FTSJ3: variants seen among roughly 807,000 people sequenced by gnomAD.
FTSJ3 encodes the protein FtsJ RNA 2'-O-methyltransferase 3.
A neutral mutation model predicts 111.5 loss-of-function variants in FTSJ3; 46 were observed. The ratio of observed to expected loss-of-function variants is 0.41; its 90% CI spans 0.33 to 0.53. FTSJ3 has a LOEUF of 0.53. Among genes scored for constraint, FTSJ3 ranks in the 20% least tolerant of loss-of-function variants. FTSJ3 has a pLI of 0.19. For missense variants in FTSJ3, 1,075 were observed against 1,063.8 expected (o/e 1.01, Z -0.15); for synonymous variants, 408 against 383.0 (o/e 1.07, Z -0.76).
rs2040056378 is a variant in FTSJ3 at position 63,821,996 on chromosome 17, C to T, written c.1463G>A (p.Arg488Lys). ...LAGVRGHQGL[R>K]DQKRMRLTEV... is the part of the protein sequence containing the mutation. Reference sequence around the variant, plus strand: ...ACGTGCCCCTTACCGCTTTTGGTCCCTTAGACCCTGATGTCCCCTGACTCC... The same window carrying T: ...ACGTGCCCCTTACCGCTTTTGGTCCTTTAGACCCTGATGTCCCCTGACTCC... The change falls in exon 14 of 21, where the codon AGG becomes AAG. Residue 488 changes from arginine to lysine, a missense_variant. Arg to Lys is a conservative substitution (Grantham distance 26). This residue lies in a region of FTSJ3 where 867 missense variants were observed against 796.9 expected (regional missense o/e 1.09). Coordinates refer to ENST00000427159, the MANE Select transcript of FTSJ3 (RefSeq NM_017647.4). 2 of 1,614,126 alleles carry T rather than the reference C, an allele frequency of 1.2e-6. No individual in the cohort carries two copies. The highest frequency in any genetic ancestry group is 4.5e-5 in the East Asian group (2 of 44,874).
At chr17:63,826,196 C>A in intron 4 of FTSJ3, 61 bp from the exon 5 acceptor site, 1 of 1,609,542 alleles carries the variant, frequency 6.2e-7, no homozygotes, top group Non-Finnish European at 8.5e-7. Flanking sequence ...GAGAGAAATA[C>A]AGGACAAAAT....
At position 63,824,297 on chromosome 17, in the gene FTSJ3, A is replaced by G. The variant is rs894406; in HGVS notation, c.998+34T>C. The G allele has an allele frequency of 0.63, 1,021,670 of 1,613,418 alleles. 327,912 individuals are homozygous for G. Among genetic ancestry groups the G allele is most frequent in the African/African-American group, 0.91 (67,784 of 74,840 alleles). On this transcript the variant is annotated intron_variant, in intron 11 of 20. Coordinates refer to ENST00000427159, the MANE Select transcript of FTSJ3 (RefSeq NM_017647.4). ...TCCCAGACTTTTCCCCTGGACACCC[A>G]GTCCACACCTGCCTCGCTGCGTTCT...
Position 63,825,434 on chromosome 17 carries a change from G to T in FTSJ3, c.403C>A (p.His135Asn). The change falls in exon 7 of 21, where the codon CAT (histidine) becomes AAT (asparagine). Residue 135 changes from histidine to asparagine, a missense_variant and splice_region_variant. Coordinates refer to ENST00000427159, the MANE Select transcript of FTSJ3 (RefSeq NM_017647.4). Reference sequence around the variant, plus strand: ...AAACGTAGAGCCATCAGTGTCAAATGGGCTGTAGGATAGAGACAATTAGTT... The same window carrying T: ...AAACGTAGAGCCATCAGTGTCAAATTGGCTGTAGGATAGAGACAATTAGTT... ...SWVHDAYSQAHLTLMALRLAC... is the reference protein window; with the variant it reads ...SWVHDAYSQANLTLMALRLAC... 7.4e-6 allele frequency: 12 copies of T among 1,614,102 alleles called. No homozygotes were observed. The highest frequency in any genetic ancestry group is 1.0e-5 in the Non-Finnish European group (12 of 1,180,020).
In FTSJ3 at chr17:63,826,578, C is replaced by A; in HGVS notation, c.162G>T (p.Ala54=). 1 of 1,613,448 alleles carries A rather than the reference C, an allele frequency of 6.2e-7. No homozygotes were observed. ...CGAGTGTTACGAACCATCCCCCTGG[C>A]GCAGCACACAGGTCCAGCAAGGCTC... ...KARALLDLCA[A]PGGWLQVAAK... is the part of the protein sequence containing the mutation. The change falls in exon 3 of 21, where the codon GCG becomes GCT. Residue 54 remains alanine, a synonymous_variant. Transcript: ENST00000427159.
At position 63,824,620 on chromosome 17, in the gene FTSJ3, C is replaced by A. The variant is rs1267925862; in HGVS notation, c.917+17G>T. The A allele has an allele frequency of 6.2e-6, 10 of 1,600,356 alleles. No individual in the cohort carries two copies. Among genetic ancestry groups the A allele is most frequent in the Non-Finnish European group, 8.6e-6 (10 of 1,167,684 alleles). ...GCCTCCAGGGCTCCTGGCCCCCGTGCCTACCCCACTCCATACCTGAGCTCC... is the reference window on the plus strand; with the variant it reads ...GCCTCCAGGGCTCCTGGCCCCCGTGACTACCCCACTCCATACCTGAGCTCC... On this transcript the variant is annotated intron_variant, in intron 10 of 20. Coordinates refer to ENST00000427159, the MANE Select transcript of FTSJ3 (RefSeq NM_017647.4).
At position 63,826,063 on chromosome 17, in the gene FTSJ3, C is replaced by T; in HGVS notation, c.293G>A (p.Cys98Tyr). The T allele has an allele frequency of 6.2e-7, 1 of 1,611,554 alleles. No homozygotes were observed. The highest frequency in any genetic ancestry group is 8.5e-7 in the Non-Finnish European group (1 of 1,177,868). The part of the protein sequence containing the change: ...TLQQDITTER[C>Y]RQALRKELKT... ...GAGAGAGACTCCTATTACCTGCCTA[C>T]AACGTTCTGTTGTGATGTCCTGCTG... The change falls in exon 5 of 21, where the codon TGT becomes TAT. Residue 98 changes from cysteine to tyrosine, a missense_variant. Coordinates refer to ENST00000427159, the MANE Select transcript of FTSJ3 (RefSeq NM_017647.4).
Position 63,827,566 on chromosome 17 carries a change from G to T in FTSJ3, c.-541C>A. ...CAGGTTACGGGGCTGGGTGCGGAGC[G>T]AGCGTGATCTGAGTGGAGAGCGGGC... On this transcript the variant is annotated 5_prime_UTR_variant, in exon 1 of 21. Coordinates refer to ENST00000427159, the MANE Select transcript of FTSJ3 (RefSeq NM_017647.4). The T allele has an allele frequency of 6.4e-7, 1 of 1,551,440 alleles. No individual in the cohort carries two copies. Among genetic ancestry groups the T allele is most frequent in the South Asian group, 1.2e-5 (1 of 84,052 alleles).
In FTSJ3 at chr17:63,827,446, C is replaced by T; in HGVS notation, c.-421G>A. On this transcript the variant is annotated 5_prime_UTR_variant, in exon 1 of 21. Transcript: ENST00000427159. ...CCAATCCTCCGCTTCCGCGCTTGCGCGCCAAGACGGCTCGGATGCCGGCGG... is the reference window on the plus strand; with the variant it reads ...CCAATCCTCCGCTTCCGCGCTTGCGTGCCAAGACGGCTCGGATGCCGGCGG... 1 of 1,551,738 alleles carries T rather than the reference C, an allele frequency of 6.4e-7. No homozygotes were observed. Among genetic ancestry groups the T allele is most frequent in the Non-Finnish European group, 8.7e-7 (1 of 1,147,002 alleles).
At chr17:63,826,202 A>G in intron 4 of FTSJ3, 56 bp downstream of exon 4, 1 of 1,609,700 alleles carries the variant, frequency 6.2e-7, no homozygotes, top group Non-Finnish European at 8.5e-7. Context: ...AATACAGGAC[A>G]AAATACCTTA....
rs764238710 is a variant in FTSJ3, at chr17:63,824,191, A to G, written c.1047T>C (p.Ala349=). 1 of 1,613,988 alleles carries G rather than the reference A, an allele frequency of 6.2e-7. No homozygotes were observed. The highest frequency in any genetic ancestry group is 1.1e-5 in the South Asian group (1 of 91,078). ...EDEGDEEDST[A]GTTKQPSKEE... The stretch of plus-strand genomic sequence containing the variant: ...CCTTAGAGGGCTGCTTTGTGGTTCC[A>G]GCTGTTGAGTCCTCCTCATCACCTT... The change falls in exon 12 of 21, where the codon GCT becomes GCC. Residue 349 remains alanine, a synonymous_variant. Coordinates refer to ENST00000427159, the MANE Select transcript of FTSJ3 (RefSeq NM_017647.4).
In FTSJ3 at chr17:63,821,051, T is replaced by A. The variant is rs761525674; in HGVS notation, c.1951A>T (p.Ile651Leu). Residue 651 changes from isoleucine (I) to leucine (L), a missense_variant, in exon 17 of 21, where the codon ATA becomes TTA. Coordinates refer to ENST00000427159, the MANE Select transcript of FTSJ3 (RefSeq NM_017647.4). ...GPKSDDDGFEIVPIEDPAKHR... is the reference protein window; with the variant it reads ...GPKSDDDGFELVPIEDPAKHR... ...TCACCTGGGTCCTCAATAGGCACTA[T>A]CTCAAACCCGTCATCATCTGACTTA... The A allele has an allele frequency of 6.2e-7, 1 of 1,614,200 alleles. No homozygotes were observed. The highest frequency in any genetic ancestry group is 8.5e-7 in the Non-Finnish European group (1 of 1,180,016).
intron 13 of FTSJ3, among the ~76,000 whole-genome samples, chr17:63,823,020 T>C (rs111328094): frequency 3.9e-5 from 6 of 152,302 alleles, no homozygotes; most frequent in African/African-American, 1.2e-4. Flanking sequence ...AGGGCCACCA[T>C]GCTCTACTGC....
At position 63,821,715 on chromosome 17, in the gene FTSJ3, C is replaced by G. The variant is rs776044110; in HGVS notation, c.1596+8G>C. ...CTCCCCGCAGTCTTGCCCCCGGCCT[C>G]TCCTTACCTTTGAGAACCACAGGTT... On this transcript the variant is annotated splice_region_variant and intron_variant, in intron 15 of 20. Transcript: ENST00000427159. 9 of 1,614,122 alleles carry G rather than the reference C, an allele frequency of 5.6e-6. No homozygotes were observed. Among genetic ancestry groups the G allele is most frequent in the Non-Finnish European group, 7.6e-6 (9 of 1,180,046 alleles).
Position 63,820,155 on chromosome 17 carries a change from G to C in FTSJ3, c.2275C>G (p.Gln759Glu). Reference protein sequence around the residue: ...KKRRMLKRLEQTRKKAEAVVN... With the variant: ...KKRRMLKRLEETRKKAEAVVN... The stretch of plus-strand genomic sequence containing the variant: ...ACGGCTTCTGCCTTCTTCCTGGTCT[G>C]CTCCAGCCTCTTCAGCATCTGCAAA... The change falls in exon 20 of 21, where the codon CAG (glutamine) becomes GAG (glutamate). Residue 759 changes from glutamine (Q) to glutamate (E), a missense_variant. Transcript: ENST00000427159. The C allele has an allele frequency of 6.2e-7, 1 of 1,614,074 alleles. No homozygotes were observed. Among genetic ancestry groups the C allele is most frequent in the South Asian group, 1.1e-5 (1 of 91,078 alleles).
Position 63,827,587 on chromosome 17 carries a change from C to A in FTSJ3, c.-562G>T. On this transcript the variant is annotated 5_prime_UTR_variant, in exon 1 of 21. Coordinates refer to ENST00000427159, the MANE Select transcript of FTSJ3 (RefSeq NM_017647.4). ...GAGCGAGCGTGATCTGAGTGGAGAG[C>A]GGGCCGGGGCAGGAGCGTCGGGTGG... 6.4e-7 allele frequency: 1 copy of A among 1,550,666 alleles called. No individual in the cohort carries two copies. Among genetic ancestry groups the A allele is most frequent in the South Asian group, 1.2e-5 (1 of 84,002 alleles).
intron 13 of FTSJ3, 40 bp downstream of exon 13, chr17:63,823,777 C>T (rs370392178): frequency 1.2e-6 from 2 of 1,600,180 alleles, no homozygotes; most frequent in African/African-American, 1.3e-5. Flanking sequence ...CCAAACAGAT[C>T]CTTCTGTCTC....
chr17:63,826,686 C>T lies in FTSJ3; in HGVS notation c.68-14G>A, dbSNP rs750989812. 3 of 1,607,464 alleles carry T rather than the reference C, an allele frequency of 1.9e-6. No homozygotes were observed. The Admixed American group carries it at 5.0e-5, about 27-fold the overall frequency. ...GGGAACGGTAACCTGGACAAAACAA[C>T]CAAGTGCGCAAACTGCTTCACTAGT... On this transcript the variant is annotated splice_polypyrimidine_tract_variant and intron_variant, in intron 2 of 20. Transcript: ENST00000427159.
chr17:63,826,948 T>G lies in FTSJ3; in HGVS notation c.-26-20A>C. 1.3e-6 allele frequency: 2 copies of G among 1,509,012 alleles called. No homozygotes were observed. The highest frequency in any genetic ancestry group is 1.8e-6 in the Non-Finnish European group (2 of 1,084,432). 93.5% of individuals were successfully genotyped at this position (1,509,012 alleles called of 1,614,324 possible). Reference sequence around the variant, plus strand: ...CTCAATCTGGGGAGAAAGTAGAAGTTGGGAACGTCTCTTTCCGGAGCACCA... The same window carrying G: ...CTCAATCTGGGGAGAAAGTAGAAGTGGGGAACGTCTCTTTCCGGAGCACCA... On this transcript the variant is annotated intron_variant, in intron 1 of 20. Transcript: ENST00000427159.
At chr17:63,825,968 G>A in intron 5 of FTSJ3, 88 bp downstream of exon 5, 4 of 1,113,342 alleles carry the variant, frequency 3.6e-6, no homozygotes, top group South Asian at 2.9e-5. Context: ...CTCAAAGCAC[G>A]GTAAAAAGGA....
Sources: gnomAD v4.1 joint callset for allele counts (sites outside exome capture counted in the v4.1 genomes callset) on GRCh38, gnomAD v4.1.1 for gene constraint, gnomAD v4.1.1 regional missense constraint, MANE v1.5 for transcripts, NCBI Gene and HGNC (gene_info 2026-07-23, HGNC 2026-07-21) for gene names.